Variants in TOX observed in about 807,000 individuals in gnomAD.
TOX encodes thymocyte selection associated high mobility group box.
In TOX, 11 loss-of-function variants were observed where a neutral mutation model predicts 53.7. The ratio of observed to expected loss-of-function variants is 0.20; its 90% CI spans 0.13 to 0.34. TOX has a LOEUF of 0.34. Ranked by LOEUF, TOX falls within the 10% of genes least tolerant of loss-of-function variation. The probability of loss-of-function intolerance (pLI) is 1.00; values close to 1 mark genes in which losing one functional copy is unlikely to be tolerated. For missense variants in TOX, 570 were observed against 664.6 expected, an observed-to-expected ratio of 0.86 and a Z score of 1.56; for synonymous variants, 225 against 245.3, an observed-to-expected ratio of 0.92 and a Z score of 0.77.
At chr8:59,087,153 T>C (rs1804526934) in intron 1 of TOX, among the ~76,000 whole-genome samples, 1 of 152,218 alleles carries the variant, frequency 6.6e-6, no homozygotes, top group Non-Finnish European at 1.5e-5. Context: ...TTTCTATATC[T>C]AAACTGAAAG....
At chr8:59,108,982 G>C (rs539057054) in intron 1 of TOX, among the ~76,000 whole-genome samples, 15 of 152,086 alleles carry the variant, frequency 9.9e-5, no homozygotes, top group Non-Finnish European at 2.1e-4. Flanking sequence ...GGCTTAAGAA[G>C]CTTTTACTAT....
chr8:59,090,245 C>T (rs542820745), intron 1 of TOX, among the ~76,000 whole-genome samples: 1 of 152,150 alleles, frequency 6.6e-6, no homozygotes, highest in Non-Finnish European at 1.5e-5. Flanking sequence ...ACAAGACATA[C>T]ATATTTTTGG....
At chr8:58,975,804 T>G (rs1368817470) in intron 1 of TOX, among the ~76,000 whole-genome samples, 1 of 152,122 alleles carries the variant, frequency 6.6e-6, no homozygotes, top group Admixed American at 6.5e-5. Flanking sequence ...CCAGGCGCAG[T>G]GGCTCAATCC....
chr8:58,959,819 TG>T, intron 2 of TOX, 123 bp downstream of exon 2: 3 of 1,083,366 alleles, frequency 2.8e-6, no homozygotes, highest in Non-Finnish European at 4.2e-6. Context: ...TTAAATGCTT[TG>T]TTTATAAATT....
chr8:59,022,354 G>A (rs1196186682), intron 1 of TOX, among the ~76,000 whole-genome samples: 2 of 152,038 alleles, frequency 1.3e-5, no homozygotes, highest in Non-Finnish European at 2.9e-5. Context: ...CAAAGACTCC[G>A]ACATGTTCTA....
chr8:58,824,997 T>C (rs187580039), intron 6 of TOX, among the ~76,000 whole-genome samples: 1 of 152,272 alleles, frequency 6.6e-6, no homozygotes, highest in Non-Finnish European at 1.5e-5. Flanking sequence ...ATTTATAACA[T>C]AGTAAAAAAA....
chr8:58,913,094 T>A (rs1811932366), intron 3 of TOX, among the ~76,000 whole-genome samples: 1 of 152,190 alleles, frequency 6.6e-6, no homozygotes, highest in East Asian at 1.9e-4. Context: ...GAATGAATGT[T>A]TGGTGAGATT....
intron 1 of TOX, among the ~76,000 whole-genome samples, chr8:59,105,281 T>C (rs1428385860): frequency 6.6e-6 from 1 of 152,218 alleles, no homozygotes; most frequent in African/African-American, 2.4e-5. Flanking sequence ...TTAATACTTT[T>C]ACTGAAATGT....
At chr8:58,991,487 A>C (rs1329757847) in intron 1 of TOX, among the ~76,000 whole-genome samples, 1 of 152,210 alleles carries the variant, frequency 6.6e-6, no homozygotes, top group African/African-American at 2.4e-5. Context: ...TACCTAGAAC[A>C]ATCGGCCGGA....
chr8:59,071,078 G>A (rs2129422611), intron 1 of TOX, among the ~76,000 whole-genome samples: 1 of 152,280 alleles, frequency 6.6e-6, no homozygotes. Context: ...TAAATATTTT[G>A]TTGCTTCTGT....
At chr8:58,965,913 T>G (rs373586039) in intron 1 of TOX, among the ~76,000 whole-genome samples, 13,499 of 145,438 alleles carry the variant, frequency 0.093, 1,083 homozygotes, top group Middle Eastern at 0.15. Flanking sequence ...TTTTTTTTTT[T>G]TTTTTTTTTT....
At chr8:58,815,268 C>A (rs776108883) in intron 7 of TOX, 70 bp downstream of exon 7, 11 of 1,509,976 alleles carry the variant, frequency 7.3e-6, no homozygotes, top group Non-Finnish European at 9.7e-6. Context: ...GGATAAACAG[C>A]TCCCCCCACC....
chr8:59,097,325 G>A (rs1412467083), intron 1 of TOX, among the ~76,000 whole-genome samples: 1 of 152,300 alleles, frequency 6.6e-6, no homozygotes, highest in African/African-American at 2.4e-5. Flanking sequence ...GACAGTGTGA[G>A]CTCCTCCGGC....
chr8:58,927,627 T>C (rs1462814410), intron 3 of TOX, among the ~76,000 whole-genome samples: 1 of 152,086 alleles, frequency 6.6e-6, no homozygotes, highest in East Asian at 1.9e-4. Context: ...TAAATGTCAG[T>C]TGATTGGTTG....
intron 1 of TOX, among the ~76,000 whole-genome samples, chr8:59,064,666 ATTAAT>A (rs1804055411): frequency 6.6e-6 from 1 of 152,192 alleles, no homozygotes; most frequent in Non-Finnish European, 1.5e-5. Context: ...ATAAATTGAC[ATTAAT>A]TTATACCTTT....
intron 3 of TOX, among the ~76,000 whole-genome samples, chr8:58,903,392 T>C (rs2129172984): frequency 6.6e-6 from 1 of 152,352 alleles, no homozygotes; most frequent in South Asian, 2.1e-4. Context: ...AGTCTAAAGC[T>C]TCTGGACAAA....
At chr8:59,115,868 A>T (rs1805091102) in intron 1 of TOX, among the ~76,000 whole-genome samples, 2 of 152,162 alleles carry the variant, frequency 1.3e-5, no homozygotes, top group South Asian at 4.1e-4. Flanking sequence ...CATAACGTGT[A>T]TTAGTCTTAC....
intron 5 of TOX, among the ~76,000 whole-genome samples, chr8:58,831,990 C>G (rs1810462469): frequency 6.6e-6 from 1 of 151,866 alleles, no homozygotes; most frequent in Non-Finnish European, 1.5e-5. Flanking sequence ...TGGAAAATTT[C>G]AAATGAAACG....
intron 3 of TOX, among the ~76,000 whole-genome samples, chr8:58,932,738 ATGTGCGGC>A (rs1447243716): frequency 6.6e-6 from 1 of 152,112 alleles, no homozygotes; most frequent in Non-Finnish European, 1.5e-5. Context: ...GAATTCCTTG[ATGTGCGGC>A]ACTCCCTATA....
Sources: gnomAD v4.1 joint callset for allele counts (sites outside exome capture counted in the v4.1 genomes callset) on GRCh38, gnomAD v4.1.1 for gene constraint, MANE v1.5 for transcripts, NCBI Gene and HGNC (gene_info 2026-07-23, HGNC 2026-07-21) for gene names.